KRT8: variants seen among roughly 807,000 people sequenced by gnomAD.
KRT8 encodes the protein keratin, type II cytoskeletal 8.
In KRT8, 24 loss-of-function variants were observed where a neutral mutation model predicts 43.0. That is an observed-to-expected ratio of 0.56 (90% CI 0.40 to 0.78). KRT8 has a LOEUF of 0.78. KRT8 is among the 30% of genes least tolerant of loss of function. The probability of loss-of-function intolerance (pLI) is 0.00; values close to 1 mark genes in which losing one functional copy is unlikely to be tolerated. For synonymous variants in KRT8, 214 were observed against 261.2 expected, an observed-to-expected ratio of 0.82 and a Z score of 1.74; for missense variants, 492 against 638.4, an observed-to-expected ratio of 0.77 and a Z score of 2.47.
chr12:52,925,736 C>T (rs1244700116), intron 2 of KRT8, among the ~76,000 whole-genome samples: 1 of 152,148 alleles, frequency 6.6e-6, no homozygotes, highest in Non-Finnish European at 1.5e-5. Context: ...CTCAATTATC[C>T]CTCTGTTCCT....
At chr12:52,943,211 T>C (rs1422253372) in intron 2 of KRT8, among the ~76,000 whole-genome samples, 1 of 152,182 alleles carries the variant, frequency 6.6e-6, no homozygotes, top group Non-Finnish European at 1.5e-5. Flanking sequence ...CCGTCGCTGA[T>C]AAACTGCTTG....
At chr12:52,898,420 C>G (rs1392119153) in intron 7 of KRT8, 41 bp downstream of exon 7, 1 of 1,584,196 alleles carries the variant, frequency 6.3e-7, no homozygotes, top group African/African-American at 1.3e-5. Flanking sequence ...CCTCCCTGGG[C>G]CCTGCCTCCC....
intron 2 of KRT8, among the ~76,000 whole-genome samples, chr12:52,914,188 A>G (rs563269074): frequency 4.2e-4 from 64 of 151,616 alleles, no homozygotes; most frequent in African/African-American, 1.4e-3. Flanking sequence ...GCCCTATTGC[A>G]CTCCAGCCTG....
chr12:52,921,984 A>AGG (rs1941894518), intron 2 of KRT8, among the ~76,000 whole-genome samples: 2 of 151,438 alleles, frequency 1.3e-5, no homozygotes, highest in Admixed American at 1.3e-4. Context: ...TGGACAACAC[A>AGG]GCAAGACCCT....
At chr12:52,943,410 C>T (rs576637182) in intron 2 of KRT8, among the ~76,000 whole-genome samples, 2 of 152,186 alleles carry the variant, frequency 1.3e-5, no homozygotes, top group African/African-American at 4.8e-5. Flanking sequence ...TCATGACGTC[C>T]TCTCTCCTGG....
At chr12:52,899,240 A>G (rs150389469) in intron 5 of KRT8, among the ~76,000 whole-genome samples, 3,570 of 152,162 alleles carry the variant, frequency 0.023, 73 homozygotes, top group Admixed American at 0.052. Flanking sequence ...GTGTGAACCC[A>G]GGAGGCGGAG....
chr12:52,902,193 C>G (rs1417897528), intron 1 of KRT8, 121 bp from the exon 2 acceptor site: 1 of 695,138 alleles, frequency 1.4e-6, no homozygotes, highest in Non-Finnish European at 2.6e-6. Flanking sequence ...AGACCCCAGG[C>G]ACCTGGTTAG....
chr12:52,906,972 T>G (rs1941533797), upstream of KRT8: 1 of 351,266 alleles, frequency 2.8e-6, no homozygotes, highest in South Asian at 2.1e-5. Context: ...ACAAGCTCTC[T>G]TCACAATGCA....
chr12:52,917,807 G>A (rs889408100), intron 2 of KRT8, among the ~76,000 whole-genome samples: 2 of 151,866 alleles, frequency 1.3e-5, no homozygotes, highest in Admixed American at 1.3e-4. Context: ...TTGAACCTGG[G>A]AGGCATAGGT....
upstream of KRT8, among the ~76,000 whole-genome samples, chr12:52,909,938 C>G (rs1055998172): frequency 9.2e-5 from 14 of 151,944 alleles, no homozygotes; most frequent in Non-Finnish European, 1.8e-4. Context: ...GTCTCCCACA[C>G]TTTTTTTTCT....
intron 2 of KRT8, among the ~76,000 whole-genome samples, chr12:52,931,360 C>T (rs1197938351): frequency 6.6e-6 from 1 of 151,920 alleles, no homozygotes; most frequent in African/African-American, 2.4e-5. Context: ...AGCCACCATG[C>T]CCGGCCAGTG....
At chr12:52,913,493 C>T (rs936202638) in intron 2 of KRT8, among the ~76,000 whole-genome samples, 2 of 152,200 alleles carry the variant, frequency 1.3e-5, no homozygotes, top group Non-Finnish European at 2.9e-5. Context: ...TTTTTGAGCA[C>T]GTGTCTTTAT....
intron 2 of KRT8, among the ~76,000 whole-genome samples, chr12:52,925,433 C>T (rs1335956406): frequency 4.6e-5 from 7 of 152,218 alleles, no homozygotes; most frequent in Non-Finnish European, 4.4e-5. Flanking sequence ...GTATGAATGG[C>T]GCCATTTAGG....
chr12:52,937,118 C>T (rs756361369), intron 2 of KRT8, among the ~76,000 whole-genome samples: 33 of 152,112 alleles, frequency 2.2e-4, no homozygotes, highest in Admixed American at 5.9e-4. Context: ...CACCTGTAAT[C>T]GTAGCACTTT....
intron 2 of KRT8, among the ~76,000 whole-genome samples, chr12:52,915,860 G>A (rs999800748): frequency 1.3e-5 from 2 of 152,216 alleles, no homozygotes; most frequent in Admixed American, 1.3e-4. Context: ...TGTACACACC[G>A]AGCCCTTCTA....
At chr12:52,899,404 C>T (rs1941305588) in intron 5 of KRT8, among the ~76,000 whole-genome samples, 1 of 152,156 alleles carries the variant, frequency 6.6e-6, no homozygotes, top group African/African-American at 2.4e-5. Context: ...ACCCTTCTCA[C>T]CTGCGACACT....
chr12:52,918,256 G>GAAGAAGAAGAAGAAGAAA (rs1363578951), intron 2 of KRT8, among the ~76,000 whole-genome samples: 4 of 150,150 alleles, frequency 2.7e-5, no homozygotes, highest in Admixed American at 1.3e-4. Context: ...AGAAGAAGAA[G>GAAGAAGAAGAAGAAGAAA]AAACAAAACA....
intron 2 of KRT8, among the ~76,000 whole-genome samples, chr12:52,928,803 G>A (rs1024392551): frequency 2.0e-5 from 3 of 152,210 alleles, no homozygotes; most frequent in Non-Finnish European, 4.4e-5. Context: ...CTACTTAGGA[G>A]GCTGAAGCGA....
chr12:52,930,092 G>A (rs1942059428), intron 2 of KRT8, among the ~76,000 whole-genome samples: 2 of 152,166 alleles, frequency 1.3e-5, no homozygotes, highest in Non-Finnish European at 2.9e-5. Context: ...TAAATAATGT[G>A]ATACATGTAA....
Sources: gnomAD v4.1 joint callset for allele counts (sites outside exome capture counted in the v4.1 genomes callset) on GRCh38, gnomAD v4.1.1 for gene constraint, MANE v1.5 for transcripts, NCBI Gene and HGNC (gene_info 2026-07-23, HGNC 2026-07-21) for gene names.